The following VSIG10L variants were observed in gnomAD, a reference collection of about 807,000 sequenced individuals.
The protein encoded by VSIG10L is V-set and immunoglobulin domain-containing protein 10-like.
VSIG10L carries 63 observed loss-of-function variants against 67.3 expected under a neutral mutation model. The ratio of observed to expected loss-of-function variants is 0.94; its 90% CI spans 0.76 to 1.15. The LOEUF (loss-of-function observed/expected upper bound fraction) is 1.15. Among genes scored for constraint, VSIG10L ranks in the 50% most tolerant of loss-of-function variants. The probability of loss-of-function intolerance (pLI) is 0.00; values close to 1 mark genes in which losing one functional copy is unlikely to be tolerated. For missense variants in VSIG10L, 1,050 were observed against 1,177.5 expected, an observed-to-expected ratio of 0.89 and a Z score of 1.58; for synonymous variants, 499 against 524.9, an observed-to-expected ratio of 0.95 and a Z score of 0.67.
rs1985628144 is a variant in VSIG10L at position 51,341,223 on chromosome 19, CCCTGCATCGT to C, written c.815_824del (p.Asp272GlyfsTer60). The C allele has an allele frequency of 1.9e-6, 3 of 1,551,034 alleles. No individual in the cohort carries two copies. In the Admixed American group the frequency reaches 5.9e-5, roughly 30 times the overall value. ...CCCGGATGACCTCAGCCGTGTAGACCCCTGCATCGTCCAGCTGGGCAGAGGCGAGCTCCAG... is the reference window on the plus strand; with the variant it reads ...CCCGGATGACCTCAGCCGTGTAGACCCCAGCTGGGCAGAGGCGAGCTCCAG... On this transcript the variant is annotated frameshift_variant, in exon 2 of 10. Transcript: ENST00000335624. LOFTEE classifies it high-confidence loss of function.
At chr19:51,339,943 C>A in intron 4 of VSIG10L, 72 bp downstream of exon 4, 7 of 1,102,644 alleles carry the variant, frequency 6.3e-6, no homozygotes, top group Non-Finnish European at 7.8e-6. Flanking sequence ...CCGCCCCTTT[C>A]CTCTAGCCCC....
In VSIG10L at chr19:51,332,531, G is replaced by C; in HGVS notation, c.*80C>G. On this transcript the variant is annotated 3_prime_UTR_variant, in exon 10 of 10. Coordinates refer to ENST00000335624, the MANE Select transcript of VSIG10L (RefSeq NM_001163922.3). ...TGCTGGAGTGAAATAGGAAGTTCTG[G>C]CCCAAAACGCCCTGTGCAGGGCAGA... is the stretch of plus-strand genomic sequence containing the variant. The C allele has an allele frequency of 6.6e-7, 1 of 1,507,238 alleles. No homozygotes were observed. The highest frequency in any genetic ancestry group is 9.0e-7 in the Non-Finnish European group (1 of 1,106,716). 93.4% of individuals were successfully genotyped at this position (1,507,238 alleles called of 1,614,324 possible).
chr19:51,332,612 T>C lies in VSIG10L; in HGVS notation c.2603A>G (p.Ter868TrpextTer43). 1 of 1,537,652 alleles carries C rather than the reference T, an allele frequency of 6.5e-7. No homozygotes were observed. The highest frequency in any genetic ancestry group is 8.7e-7 in the Non-Finnish European group (1 of 1,143,966). ...CGCGAACAGTCTTTGAGCCTCCGCC[T>C]ACAGAGACAACTGAACTGGGGTCTG... ...QAQTPVQLSL[*>W] Residue 868 changes from the stop codon to tryptophan, a stop_lost, in exon 10 of 10, where the codon TAG becomes TGG. Coordinates refer to ENST00000335624, the MANE Select transcript of VSIG10L (RefSeq NM_001163922.3).
chr19:51,332,419 A>G lies in VSIG10L; in HGVS notation c.*192T>C. The G allele has an allele frequency of 1.4e-6, 1 of 710,100 alleles. No individual in the cohort carries two copies. Among genetic ancestry groups the G allele is most frequent in the Non-Finnish European group, 2.5e-6 (1 of 397,086 alleles). 44.0% of individuals were successfully genotyped at this position (710,100 alleles called of 1,614,324 possible). A position where few individuals can be genotyped will look rare whatever the true frequency, so the allele number is the denominator to read the frequency against. Reference sequence around the variant, plus strand: ...CACATCTCCTTACTTGCACAAATACAGGAAGACTCTTCTTCTGCAGCAAGA... The same window carrying G: ...CACATCTCCTTACTTGCACAAATACGGGAAGACTCTTCTTCTGCAGCAAGA... On this transcript the variant is annotated 3_prime_UTR_variant, in exon 10 of 10. Coordinates refer to ENST00000335624, the MANE Select transcript of VSIG10L (RefSeq NM_001163922.3).
In VSIG10L at chr19:51,338,032, TC is replaced by T; in HGVS notation, c.1905del (p.Lys636AsnfsTer52). 6.4e-7 allele frequency: 1 copy of T among 1,551,668 alleles called. No homozygotes were observed. The highest frequency in any genetic ancestry group is 8.7e-7 in the Non-Finnish European group (1 of 1,146,990). ...GSRLRLSQDG[R>X]KLHIGNFSLD... ...AGGCTGAAGTTGCCGATGTGGAGTT[TC>T]CGCCCATCTTGACTGAGCCGCAGGC... is the stretch of plus-strand genomic sequence containing the variant. On this transcript the variant is annotated frameshift_variant, in exon 6 of 10. Coordinates refer to ENST00000335624, the MANE Select transcript of VSIG10L (RefSeq NM_001163922.3). LOFTEE classifies it high-confidence loss of function.
At position 51,340,987 on chromosome 19, in the gene VSIG10L, CT is replaced by C; in HGVS notation, c.895+165del. The C allele has an allele frequency of 8.8e-7, 1 of 1,135,538 alleles. No individual in the cohort carries two copies. Among genetic ancestry groups the C allele is most frequent in the Non-Finnish European group, 1.2e-6 (1 of 849,024 alleles). 70.3% of individuals were successfully genotyped at this position (1,135,538 alleles called of 1,614,324 possible). On this transcript the variant is annotated intron_variant, in intron 2 of 9. Coordinates refer to ENST00000335624, the MANE Select transcript of VSIG10L (RefSeq NM_001163922.3). This position sits in a 1 kb window ranked among gnomAD's most constrained non-coding sequence, Gnocchi z 6.3. The stretch of plus-strand genomic sequence containing the variant: ...CCAGGAGTCTCCATCCCAGGTCCAC[CT>C]TTGCTCAGACACCCCTGCCTTGACC...
chr19:51,339,471 A>G (rs1985570228), intron 4 of VSIG10L, among the ~76,000 whole-genome samples: 1 of 151,682 alleles, frequency 6.6e-6, no homozygotes, highest in Non-Finnish European at 1.5e-5. Context: ...GCACTCCGAG[A>G]AGCCTCCCCT....
chr19:51,337,906 G>GT, intron 6 of VSIG10L, 24 bp downstream of exon 6: 1 of 1,527,330 alleles, frequency 6.5e-7, no homozygotes. Context: ...GGACTTCAGG[G>GT]TTTTTTGAAA....
At chr19:51,333,720 C>T in intron 9 of VSIG10L, 71 bp downstream of exon 9, 2 of 1,449,408 alleles carry the variant, frequency 1.4e-6, no homozygotes, top group Non-Finnish European at 9.1e-7. Flanking sequence ...TTGAGACCCT[C>T]TCATCTCCCT....
rs1216597393 is a variant in VSIG10L at position 51,340,924 on chromosome 19, GCCT to G, written c.896-201_896-199del. 7.9e-5 allele frequency: 72 copies of G among 917,128 alleles called. No individual in the cohort carries two copies. In the Middle Eastern group the frequency reaches 3.9e-3, roughly 50 times the overall value. 56.8% of individuals were successfully genotyped at this position (917,128 alleles called of 1,614,324 possible). ...AGGAGTTCGCCAGAAGAGGCTCCTA[GCCT>G]CCTCCTCCTCCCTCAGACCTGGGAG... On this transcript the variant is annotated intron_variant, in intron 2 of 9. Transcript: ENST00000335624. The surrounding 1 kb of genome is among the most constrained non-coding windows in gnomAD (Gnocchi z 6.3).
In VSIG10L at chr19:51,340,721, G is replaced by A. The variant is rs1158566641; in HGVS notation, c.901C>T (p.Leu301=). 6.7e-7 allele frequency: 1 copy of A among 1,493,082 alleles called. No homozygotes were observed. The highest frequency in any genetic ancestry group is 1.4e-5 in the African/African-American group (1 of 71,522). 92.5% of individuals were successfully genotyped at this position (1,493,082 alleles called of 1,614,324 possible). ...TTGGGCTGAACCGACAGCTGGGGTA[G>A]GGGCTCTGGGAGAGGGAGAATGGGC... ...HEFTVGVYEP[L]PQLSVQPKAP... Residue 301 remains leucine (L), a synonymous_variant, in exon 3 of 10, where the codon CTA becomes TTA. Coordinates refer to ENST00000335624, the MANE Select transcript of VSIG10L (RefSeq NM_001163922.3). The surrounding 1 kb of genome is among the most constrained non-coding windows in gnomAD (Gnocchi z 6.3).
chr19:51,338,021 G>T lies in VSIG10L; in HGVS notation c.1917C>A (p.Ile639=), dbSNP rs1393655909. ...RLSQDGRKLH[I]GNFSLDWDLG... is the part of the protein sequence containing the mutation. ...GGTCCCAATCCAGGCTGAAGTTGCCGATGTGGAGTTTCCGCCCATCTTGAC... is the reference window on the plus strand; with the variant it reads ...GGTCCCAATCCAGGCTGAAGTTGCCTATGTGGAGTTTCCGCCCATCTTGAC... Residue 639 remains isoleucine (I), a synonymous_variant, in exon 6 of 10, where the codon ATC becomes ATA. Transcript: ENST00000335624. The T allele has an allele frequency of 6.4e-7, 1 of 1,551,670 alleles. No individual in the cohort carries two copies. Among genetic ancestry groups the T allele is most frequent in the Admixed American group, 2.0e-5 (1 of 50,984 alleles).
At position 51,342,025 on chromosome 19, in the gene VSIG10L, A is replaced by C. The variant is rs1463956118; in HGVS notation, c.41-18T>G. 2.6e-6 allele frequency: 4 copies of C among 1,551,646 alleles called. No individual in the cohort carries two copies. Among genetic ancestry groups the C allele is most frequent in the African/African-American group, 2.7e-5 (2 of 73,028 alleles). ...CAAGGAGGCTGCAGAGAAGAGAGGA[A>C]GGCATTGGGGGAGGCTGCTGAGGGA... On this transcript the variant is annotated intron_variant, in intron 1 of 9. Coordinates refer to ENST00000335624, the MANE Select transcript of VSIG10L (RefSeq NM_001163922.3). The surrounding 1 kb of genome is among the most constrained non-coding windows in gnomAD (Gnocchi z 4.4).
chr19:51,337,432 G>T lies in VSIG10L; in HGVS notation c.2111C>A (p.Ala704Glu). ...GCCCAGAGCAGGCCCATCTGGCCAT[G>T]CCTGGATCTCAAAACTGCTGATCAG... Reference protein sequence around the residue: ...GALISSFEIQAWPDGPALGRT... With the variant: ...GALISSFEIQEWPDGPALGRT... The change falls in exon 7 of 10, where the codon GCA (alanine) becomes GAA (glutamate). Residue 704 changes from alanine to glutamate, a missense_variant. Ala to Glu is a moderately radical substitution (Grantham distance 107). This residue lies in a region of VSIG10L where 529 missense variants were observed against 584.9 expected (regional missense o/e 0.90). Transcript: ENST00000335624. 1 of 1,551,708 alleles carries T rather than the reference G, an allele frequency of 6.4e-7. No homozygotes were observed. The highest frequency in any genetic ancestry group is 8.7e-7 in the Non-Finnish European group (1 of 1,146,984).
rs899625325 is a variant in VSIG10L, at chr19:51,331,953, T to C, written c.*658A>G. Reference sequence around the variant, plus strand: ...TTAGACTTGAGAAATGAATGACATATGGGAAAAAGAAGTGTTATAAGCACA... The same window carrying C: ...TTAGACTTGAGAAATGAATGACATACGGGAAAAAGAAGTGTTATAAGCACA... On this transcript the variant is annotated 3_prime_UTR_variant, in exon 10 of 10. Transcript: ENST00000335624. The C allele has an allele frequency of 6.6e-6, 1 of 152,390 alleles. No individual in the cohort carries two copies. Among genetic ancestry groups the C allele is most frequent in the Non-Finnish European group, 1.5e-5 (1 of 68,274 alleles). 9.4% of individuals were successfully genotyped at this position (152,390 alleles called of 1,614,324 possible). A position where few individuals can be genotyped will look rare whatever the true frequency, so the allele number is the denominator to read the frequency against.
intron 6 of VSIG10L, 47 bp downstream of exon 6, chr19:51,337,883 C>T (rs1350606079): frequency 8.0e-6 from 12 of 1,493,314 alleles, no homozygotes; most frequent in South Asian, 1.3e-5. Context: ...AGGGCTGGAG[C>T]GGCTGGGGAC....
intron 7 of VSIG10L, among the ~76,000 whole-genome samples, chr19:51,336,957 G>A (rs986592995): frequency 5.3e-5 from 8 of 151,840 alleles, no homozygotes; most frequent in East Asian, 3.9e-4. Context: ...TAGTAGAGAC[G>A]GGGTTTCACC....
chr19:51,341,359 G>C lies in VSIG10L; in HGVS notation c.689C>G (p.Ser230Ter). Residue 230 changes from serine (S) to a stop codon, truncating the protein, a stop_gained, in exon 2 of 10, where the codon TCA (serine) becomes TGA (stop). Transcript: ENST00000335624. LOFTEE classifies it high-confidence loss of function. ...CAGGCCCCCAGCTGCCAGCACCTTT[G>C]AGCCCCGGCGCCAGACCACCAGAGA... is the stretch of plus-strand genomic sequence containing the variant. ...PTSLVVWRRG[S>*]KVLAAGGLGP... The C allele has an allele frequency of 6.5e-7, 1 of 1,540,240 alleles. No individual in the cohort carries two copies. The highest frequency in any genetic ancestry group is 1.4e-5 in the African/African-American group (1 of 73,020).
At chr19:51,333,759 T>C in intron 9 of VSIG10L, 32 bp downstream of exon 9, 1 of 1,510,288 alleles carries the variant, frequency 6.6e-7, no homozygotes. Flanking sequence ...TCCGCCCCGA[T>C]TCCAGGAGGA....
Sources: gnomAD v4.1 joint callset for allele counts (sites outside exome capture counted in the v4.1 genomes callset) on GRCh38, gnomAD v4.1.1 for gene constraint, gnomAD v4.1.1 regional missense constraint, Gnocchi (gnomAD v3.1) non-coding constraint, MANE v1.5 for transcripts, NCBI Gene and HGNC (gene_info 2026-07-23, HGNC 2026-07-21) for gene names.